ARHGEF10L: variants seen among roughly 807,000 people sequenced by gnomAD.
The protein encoded by ARHGEF10L is rho guanine nucleotide exchange factor 10-like protein.
A neutral mutation model predicts 141.2 loss-of-function variants in ARHGEF10L; 69 were observed. The observed-to-expected ratio is 0.49, with a 90% CI of 0.40 to 0.60. ARHGEF10L has a LOEUF of 0.60. Ranked by LOEUF, ARHGEF10L falls within the 20% of genes least tolerant of loss-of-function variation. The pLI is 0.00. For missense variants in ARHGEF10L, 1,482 were observed against 1,734.3 expected, an observed-to-expected ratio of 0.85 and a Z score of 2.58; for synonymous variants, 711 against 718.5, an observed-to-expected ratio of 0.99 and a Z score of 0.17.
intron 1 of ARHGEF10L, among the ~76,000 whole-genome samples, chr1:17,574,077 C>T (rs1369409705): frequency 6.6e-6 from 1 of 152,140 alleles, no homozygotes; most frequent in Non-Finnish European, 1.5e-5. Flanking sequence ...TTCTGCAGCT[C>T]TGGCACCTGC....
chr1:17,639,799 A>C lies in ARHGEF10L; in HGVS notation c.2172-403A>C. ...AACTGTCCCATGCCAGGTGCTGGGAACAGACCCAAGTGAGACCCATTCCTC... is the reference window on the plus strand; with the variant it reads ...AACTGTCCCATGCCAGGTGCTGGGACCAGACCCAAGTGAGACCCATTCCTC... On this transcript the variant is annotated intron_variant, in intron 20 of 28. Coordinates refer to ENST00000361221, the MANE Select transcript of ARHGEF10L (RefSeq NM_018125.4). The surrounding 1 kb of genome is among the most constrained non-coding windows in gnomAD (Gnocchi z 4.3). 7.8e-7 allele frequency: 1 copy of C among 1,277,840 alleles called. No homozygotes were observed. The allele number at this position is 1,277,840 out of a possible 1,614,324, so 79.2% of individuals were successfully genotyped here.
intron 1 of ARHGEF10L, among the ~76,000 whole-genome samples, chr1:17,580,028 C>T (rs2078416452): frequency 2.0e-5 from 3 of 152,374 alleles, no homozygotes; most frequent in Middle Eastern, 3.4e-3. Flanking sequence ...TTACCTCCTG[C>T]CTGCTGGTCA....
chr1:17,617,167 A>G (rs1383891275), intron 9 of ARHGEF10L, among the ~76,000 whole-genome samples: 3 of 152,222 alleles, frequency 2.0e-5, no homozygotes, highest in Non-Finnish European at 4.4e-5. Context: ...CTTGCTGGGC[A>G]TTTGCCTTTG....
At chr1:17,671,001 C>A (rs2063284921) in intron 26 of ARHGEF10L, among the ~76,000 whole-genome samples, 1 of 152,270 alleles carries the variant, frequency 6.6e-6, no homozygotes, top group African/African-American at 2.4e-5. Flanking sequence ...CTCAGCACAT[C>A]ACCCGGCTTT....
chr1:17,693,032 G>T (rs1052276088), intron 27 of ARHGEF10L, among the ~76,000 whole-genome samples: 2 of 152,124 alleles, frequency 1.3e-5, no homozygotes, highest in African/African-American at 4.8e-5. Context: ...TCCTCCACTG[G>T]CTCTGCCCTG....
chr1:17,588,849 AGTGTGTGTGTGTGTGTGT>A (rs57719075), intron 4 of ARHGEF10L, among the ~76,000 whole-genome samples: 54 of 20,434 alleles, frequency 2.6e-3, no homozygotes, highest in African/African-American at 9.3e-3. Context: ...GAGGGTCCCC[AGTGTGTGTGTGTGTGTGT>A]GTGTGTGTGT....
At chr1:17,647,537 C>T (rs914420652) in intron 21 of ARHGEF10L, among the ~76,000 whole-genome samples, 1 of 152,140 alleles carries the variant, frequency 6.6e-6, no homozygotes, top group Non-Finnish European at 1.5e-5. Context: ...TCCCTCCTTC[C>T]TTTTATTCAT....
At chr1:17,523,371 G>A in the ARHGEF10L span, among the ~76,000 whole-genome samples, 1,328 of 152,178 alleles carry the variant, frequency 8.7e-3, 32 homozygotes, top group East Asian at 0.066. Flanking sequence ...TTACAGGTGT[G>A]AGCCACCGCG....
intron 1 of ARHGEF10L, among the ~76,000 whole-genome samples, chr1:17,543,055 T>C (rs2477738): frequency 1 from 152,304 of 152,306 alleles, 76,151 homozygotes; most frequent in Non-Finnish European, 1. Flanking sequence ...CCAGCTCAGC[T>C]CCTTCCTTGC....
At chr1:17,515,297 T>A in the ARHGEF10L span, among the ~76,000 whole-genome samples, 1 of 151,220 alleles carries the variant, frequency 6.6e-6, no homozygotes, top group Admixed American at 6.6e-5. Flanking sequence ...CTCTCTTTTT[T>A]TTTTTTTTTT....
chr1:17,643,405 C>G (rs1410360259), intron 21 of ARHGEF10L, among the ~76,000 whole-genome samples: 1 of 152,128 alleles, frequency 6.6e-6, no homozygotes, highest in Non-Finnish European at 1.5e-5. Flanking sequence ...GGACCCCGTT[C>G]AAACCCCAGC....
rs775220049 is a variant in ARHGEF10L at position 17,615,218 on chromosome 1, G to C, written c.727-876G>C. On this transcript the variant is annotated intron_variant, in intron 8 of 28. Transcript: ENST00000361221. The surrounding 1 kb of genome is among the most constrained non-coding windows in gnomAD (Gnocchi z 4.7). ...TCATTGCAGAGCCTTCTCTTTGCTG[G>C]TGCTGCTGTATGCTGGAGAAGATGC... is the stretch of plus-strand genomic sequence containing the variant. 6.6e-6 allele frequency: 1 copy of C among 152,352 alleles called. No individual in the cohort carries two copies. Among genetic ancestry groups the C allele is most frequent in the Non-Finnish European group, 1.5e-5 (1 of 68,134 alleles). The allele number at this position is 152,352 out of a possible 1,614,324, so 9.4% of individuals were successfully genotyped here. A position where few individuals can be genotyped will look rare whatever the true frequency, so the allele number is the denominator to read the frequency against.
intron 1 of ARHGEF10L, among the ~76,000 whole-genome samples, chr1:17,568,908 C>A (rs929198267): frequency 3.9e-5 from 6 of 152,146 alleles, no homozygotes; most frequent in Admixed American, 2.0e-4. Context: ...CCCAACACCT[C>A]CAGCCCAGTC....
intron 26 of ARHGEF10L, among the ~76,000 whole-genome samples, chr1:17,666,232 C>T (rs913945590): frequency 5.3e-5 from 8 of 152,222 alleles, no homozygotes; most frequent in African/African-American, 1.9e-4. Context: ...CAAGTTGACA[C>T]ATAAAATTAA....
At chr1:17,550,878 G>A (rs1387772557) in intron 1 of ARHGEF10L, among the ~76,000 whole-genome samples, 2 of 152,078 alleles carry the variant, frequency 1.3e-5, no homozygotes, top group African/African-American at 2.4e-5. Flanking sequence ...GGAGCTAGGG[G>A]AAGATGGGTG....
rs1288104515 is a variant in ARHGEF10L, at chr1:17,539,774, C to G, written c.-220C>G. On this transcript the variant is annotated 5_prime_UTR_variant, in exon 1 of 29. Coordinates refer to ENST00000361221, the MANE Select transcript of ARHGEF10L (RefSeq NM_018125.4). This position sits in a 1 kb window ranked among gnomAD's most constrained non-coding sequence, Gnocchi z 6.0. ...CGGGCGCAGTCCCGGCGGGCCCGGA[C>G]CTCGCGGGCGGGCGGGCGGCGCGGC... The G allele has an allele frequency of 5.5e-5, 8 of 146,284 alleles. No individual in the cohort carries two copies. Among genetic ancestry groups the G allele is most frequent in the Admixed American group, 4.8e-4 (7 of 14,668 alleles). 9.1% of individuals were successfully genotyped at this position (146,284 alleles called of 1,614,324 possible).
rs754194684 is a variant in ARHGEF10L at position 17,656,723 on chromosome 1, G to GA, written c.2860+17dup. ...TCGGACCAGCGGTGAGGACTGGGGG[G>GA]AATGGGGGAAGGGGGGCAGTCCTGG... On this transcript the variant is annotated intron_variant, in intron 25 of 28. Transcript: ENST00000361221. This position sits in a 1 kb window ranked among gnomAD's most constrained non-coding sequence, Gnocchi z 4.9. 6.2e-7 allele frequency: 1 copy of GA among 1,605,144 alleles called. No individual in the cohort carries two copies. Among genetic ancestry groups the GA allele is most frequent in the East Asian group, 2.2e-5 (1 of 44,652 alleles).
At chr1:17,642,685 G>T (rs2061391454) in intron 21 of ARHGEF10L, among the ~76,000 whole-genome samples, 1 of 152,222 alleles carries the variant, frequency 6.6e-6, no homozygotes, top group Non-Finnish European at 1.5e-5. Flanking sequence ...ATGTTTCTGG[G>T]TGACCAGAAG....
At position 17,664,536 on chromosome 1, in the gene ARHGEF10L, G is replaced by A. The variant is rs116221912; in HGVS notation, c.2950G>A (p.Val984Met). The A allele has an allele frequency of 2.9e-5, 46 of 1,607,978 alleles. No individual in the cohort carries two copies. Among genetic ancestry groups the A allele is most frequent in the Middle Eastern group, 1.7e-4 (1 of 6,054 alleles). ...VRTLLSLEDA[V>M]WASCGPRVTV... ...CACCCTGTTGAGCCTGGAGGATGCC[G>A]TGTGGGCCAGCTGTGGGCCCCGGGT... The change falls in exon 26 of 29, where the codon GTG (valine) becomes ATG (methionine). Residue 984 changes from valine to methionine, a missense_variant. Transcript: ENST00000361221.
Sources: gnomAD v4.1 joint callset for allele counts (sites outside exome capture counted in the v4.1 genomes callset) on GRCh38, gnomAD v4.1.1 for gene constraint, Gnocchi (gnomAD v3.1) non-coding constraint, MANE v1.5 for transcripts, NCBI Gene and HGNC (gene_info 2026-07-23, HGNC 2026-07-21) for gene names.